Variants in CAST observed in about 807,000 individuals in gnomAD.
CAST encodes the protein MIR583 host.
CAST carries 76 observed loss-of-function variants against 119.6 expected under a neutral mutation model. That is an observed-to-expected ratio of 0.64 (90% CI 0.53 to 0.77). CAST has a LOEUF of 0.77. Ranked by LOEUF, CAST falls within the 30% of genes least tolerant of loss-of-function variation. The pLI, the probability that CAST is intolerant of heterozygous loss-of-function variation, is 0.00. For missense variants in CAST, 953 were observed against 946.5 expected (o/e 1.01, Z -0.09); for synonymous variants, 319 against 331.6 (o/e 0.96, Z 0.41).
chr5:96,078,168 G>A, the CAST span, among the ~76,000 whole-genome samples: 3 of 152,098 alleles, frequency 2.0e-5, no homozygotes, highest in Admixed American at 6.6e-5. Context: ...GTGACAGCCC[G>A]ACCCTCATGT....
chr5:96,333,170 A>C, the CAST span, among the ~76,000 whole-genome samples: 1 of 151,698 alleles, frequency 6.6e-6, no homozygotes, highest in Admixed American at 6.6e-5. Context: ...TGACCCAGTT[A>C]ACAGGGGCAG....
chr5:96,050,567 T>G, the CAST span, among the ~76,000 whole-genome samples: 1 of 152,224 alleles, frequency 6.6e-6, no homozygotes, highest in Non-Finnish European at 1.5e-5. Context: ...CTCAATAGTC[T>G]GTGAAGAGGT....
At chr5:96,369,531 C>G in the CAST span, among the ~76,000 whole-genome samples, 2 of 152,280 alleles carry the variant, frequency 1.3e-5, no homozygotes, top group African/African-American at 4.8e-5. Flanking sequence ...CTGACGTGAT[C>G]TGGCTGGTTG....
At chr5:96,662,959 G>A in intron 1 of CAST, 1 of 599,380 alleles carries the variant, frequency 1.7e-6, no homozygotes, top group Non-Finnish European at 2.9e-6. Flanking sequence ...GAGGGGCGGG[G>A]CCTGCGCCGG....
chr5:96,413,827 G>GA, the CAST span, among the ~76,000 whole-genome samples: 406 of 134,134 alleles, frequency 3.0e-3, 9 homozygotes, highest in East Asian at 0.051. Context: ...AATGCATTTA[G>GA]AAAAAAAATC....
At chr5:96,169,774 T>G in the CAST span, among the ~76,000 whole-genome samples, 3 of 152,056 alleles carry the variant, frequency 2.0e-5, no homozygotes, top group Non-Finnish European at 4.4e-5. Flanking sequence ...AAGGAGGCTT[T>G]GAATTGGTGA....
the CAST span, among the ~76,000 whole-genome samples, chr5:96,197,073 A>G: frequency 6.6e-6 from 1 of 152,192 alleles, no homozygotes. Flanking sequence ...TTATGTTCAC[A>G]TGTTCAGCAC....
the CAST span, among the ~76,000 whole-genome samples, chr5:96,232,815 A>G: frequency 6.6e-6 from 1 of 152,068 alleles, no homozygotes; most frequent in Non-Finnish European, 1.5e-5. Flanking sequence ...TACTATGTTC[A>G]TGGATAGAGA....
chr5:96,738,634 T>A (rs77451772), intron 11 of CAST, among the ~76,000 whole-genome samples: 11,434 of 151,312 alleles, frequency 0.076, 695 homozygotes, highest in East Asian at 0.21. Flanking sequence ...TCCTTGGTAT[T>A]AAAAAAAAGA....
At chr5:96,095,859 A>G in the CAST span, among the ~76,000 whole-genome samples, 1 of 152,176 alleles carries the variant, frequency 6.6e-6, no homozygotes, top group East Asian at 1.9e-4. Flanking sequence ...TTTCCTTATT[A>G]TTAATTCTAG....
chr5:96,535,080 T>C (rs1363640642), intron 1 of CAST, among the ~76,000 whole-genome samples: 1 of 152,156 alleles, frequency 6.6e-6, no homozygotes, highest in Non-Finnish European at 1.5e-5. Context: ...GCCTAATTAC[T>C]CTTACAGAAC....
At chr5:95,987,458 C>T in the CAST span, among the ~76,000 whole-genome samples, 3 of 152,078 alleles carry the variant, frequency 2.0e-5, no homozygotes, top group African/African-American at 4.8e-5. Context: ...CGTGCCTAGG[C>T]GCTGCCTCCA....
At chr5:96,004,644 CA>C in the CAST span, among the ~76,000 whole-genome samples, 1 of 152,044 alleles carries the variant, frequency 6.6e-6, no homozygotes, top group African/African-American at 2.4e-5. Context: ...GGCCATATTT[CA>C]AAGTCAATAT....
the CAST span, among the ~76,000 whole-genome samples, chr5:96,410,370 A>G: frequency 2.6e-5 from 4 of 152,088 alleles, no homozygotes; most frequent in Non-Finnish European, 5.9e-5. Flanking sequence ...CATCTGCGAC[A>G]GGGCAGGTCA....
chr5:96,170,589 C>T, the CAST span, among the ~76,000 whole-genome samples: 1 of 152,098 alleles, frequency 6.6e-6, no homozygotes, highest in Admixed American at 6.5e-5. Flanking sequence ...ATGTCGGGAG[C>T]GGATTGGGTA....
intron 1 of CAST, among the ~76,000 whole-genome samples, chr5:96,619,969 C>A (rs1411813260): frequency 6.6e-6 from 1 of 152,210 alleles, no homozygotes; most frequent in African/African-American, 2.4e-5. Context: ...GTTTCCACTT[C>A]TGTAAAATAA....
At chr5:96,438,328 T>TTGGTTAA in the CAST span, among the ~76,000 whole-genome samples, 1 of 152,224 alleles carries the variant, frequency 6.6e-6, no homozygotes, top group Admixed American at 6.5e-5. Flanking sequence ...GTAACCATAT[T>TTGGTTAA]ACTATTAGCT....
intron 1 of CAST, among the ~76,000 whole-genome samples, chr5:96,623,611 T>A (rs1020759487): frequency 1.3e-5 from 2 of 152,208 alleles, no homozygotes; most frequent in African/African-American, 2.4e-5. Flanking sequence ...CTCATGAAGG[T>A]TGAAATTCCT....
intron 2 of CAST, among the ~76,000 whole-genome samples, chr5:96,684,443 TAAA>T (rs1016663844): frequency 1.3e-5 from 2 of 152,176 alleles, no homozygotes; most frequent in Non-Finnish European, 2.9e-5. Flanking sequence ...ACCTTCCCAT[TAAA>T]AAATGAGGGA....
Sources: gnomAD v4.1 joint callset for allele counts (sites outside exome capture counted in the v4.1 genomes callset) on GRCh38, gnomAD v4.1.1 for gene constraint, MANE v1.5 for transcripts, NCBI Gene and HGNC (gene_info 2026-07-23, HGNC 2026-07-21) for gene names.